The following KCNJ15 variants were observed in gnomAD, a reference collection of about 807,000 sequenced individuals.
KCNJ15 encodes potassium inwardly rectifying channel subfamily J member 15.
KCNJ15 carries 14 observed loss-of-function variants against 23.0 expected under a neutral mutation model. That is an observed-to-expected ratio of 0.61 (90% CI 0.40 to 0.95). The LOEUF (loss-of-function observed/expected upper bound fraction) is 0.95, where lower values mean the gene tolerates loss of function less well. Among genes scored for constraint, KCNJ15 ranks in the 40% least tolerant of loss-of-function variants. The probability of loss-of-function intolerance (pLI) is 0.00; values close to 1 mark genes in which losing one functional copy is unlikely to be tolerated. For missense variants in KCNJ15, 388 were observed against 461.8 expected (o/e 0.84, Z 1.46); for synonymous variants, 185 against 183.2 (o/e 1.01, Z -0.08).
intron 1 of KCNJ15, among the ~76,000 whole-genome samples, chr21:38,291,978 G>A (rs1488633494): frequency 6.6e-6 from 1 of 152,166 alleles, no homozygotes; most frequent in Non-Finnish European, 1.5e-5. Flanking sequence ...GGCACAGGGT[G>A]AGCAATGAGT....
At chr21:38,233,777 A>C (rs180833213) in intron 1 of KCNJ15, among the ~76,000 whole-genome samples, 59 of 152,254 alleles carry the variant, frequency 3.9e-4, no homozygotes, top group African/African-American at 1.3e-3. Context: ...GTACTACCTT[A>C]ATGCAAGTAA....
chr21:38,289,730 C>A (rs1427643843), intron 1 of KCNJ15, among the ~76,000 whole-genome samples: 1 of 152,066 alleles, frequency 6.6e-6, no homozygotes, highest in East Asian at 1.9e-4. Context: ...CAGACTCCAT[C>A]TCAAAAAAGA....
chr21:38,292,696 C>T (rs1984731833), intron 1 of KCNJ15, among the ~76,000 whole-genome samples: 1 of 152,112 alleles, frequency 6.6e-6, no homozygotes, highest in South Asian at 2.1e-4. Flanking sequence ...CAGTTGGGTG[C>T]AGTGGCTCTC....
chr21:38,297,079 G>A (rs567790723), intron 2 of KCNJ15, 56 bp downstream of exon 2: 9 of 152,926 alleles, frequency 5.9e-5, no homozygotes, highest in African/African-American at 1.9e-4. Flanking sequence ...GGACAGAGAG[G>A]GCCATGGCAC....
intron 1 of KCNJ15, among the ~76,000 whole-genome samples, chr21:38,277,830 A>T (rs1746568470): frequency 1.0e-5 from 1 of 97,446 alleles, no homozygotes; most frequent in African/African-American, 3.2e-5. Flanking sequence ...TGTGTTTTTG[A>T]CCTTCATTCA....
At chr21:38,236,531 C>T (rs780625572) in intron 1 of KCNJ15, among the ~76,000 whole-genome samples, 21 of 152,158 alleles carry the variant, frequency 1.4e-4, no homozygotes, top group Non-Finnish European at 2.8e-4. Context: ...AGCCCATTAA[C>T]AGCATGAGAT....
chr21:38,299,554 G>A lies in KCNJ15; in HGVS notation c.293G>A (p.Gly98Asp), dbSNP rs2230033. 0.51 allele frequency: 820,172 copies of A among 1,613,712 alleles called. 219,185 individuals carry two copies. Among genetic ancestry groups the A allele is most frequent in the Non-Finnish European group, 0.56 (659,318 of 1,179,854 alleles). ...IAFIHGDLEPGEPISNHTPCI... is the reference protein window; with the variant it reads ...IAFIHGDLEPDEPISNHTPCI... ...TTTATTCATGGGGACTTAGAACCCG[G>A]TGAGCCCATTTCAAATCATACCCCC... Residue 98 changes from glycine (G) to aspartate (D), a missense_variant, in exon 3 of 3, where the codon GGT becomes GAT. By Grantham distance (94) the Gly-to-Asp change is moderately conservative. Transcript: ENST00000398938. The surrounding 1 kb of genome is among the most constrained non-coding windows in gnomAD (Gnocchi z 4.5).
Position 38,297,524 on chromosome 21 carries a change from A to G in KCNJ15, c.-19+501A>G, listed in dbSNP as rs148069688. Among the ~76,000 whole-genome samples, 689 of 152,368 alleles carry G rather than the reference A, an allele frequency of 4.5e-3. 6 individuals carry two copies. Among genetic ancestry groups the G allele is most frequent in the African/African-American group, 0.016 (664 of 41,582 alleles). On this transcript the variant is annotated intron_variant, in intron 2 of 2. Coordinates refer to ENST00000398938, the MANE Select transcript of KCNJ15 (RefSeq NM_170736.3). ...AAAAAAAATGCATGCAGTCACTTGCAGACAGGCTGCATTTGTCTCTGCTGG... is the reference window on the plus strand; with the variant it reads ...AAAAAAAATGCATGCAGTCACTTGCGGACAGGCTGCATTTGTCTCTGCTGG...
At chr21:38,290,271 T>C (rs950057255) in intron 1 of KCNJ15, among the ~76,000 whole-genome samples, 4 of 152,160 alleles carry the variant, frequency 2.6e-5, no homozygotes, top group African/African-American at 7.2e-5. Context: ...GTTGATGTTC[T>C]ATGAGATTAA....
intron 1 of KCNJ15, among the ~76,000 whole-genome samples, chr21:38,266,504 A>G (rs943715925): frequency 6.6e-6 from 1 of 152,150 alleles, no homozygotes; most frequent in Non-Finnish European, 1.5e-5. Flanking sequence ...TCCATGGTGT[A>G]TATGTGCCAC....
chr21:38,269,295 C>T (rs953529818), intron 1 of KCNJ15, among the ~76,000 whole-genome samples: 21 of 152,072 alleles, frequency 1.4e-4, no homozygotes, highest in Non-Finnish European at 1.5e-5. Context: ...AGAGTCTGTC[C>T]GTTAAAAACT....
rs549919265 is a variant in KCNJ15 at position 38,306,121 on chromosome 21, T to A, written c.*5732T>A. On this transcript the variant is annotated 3_prime_UTR_variant, in exon 3 of 3. Coordinates refer to ENST00000398938, the MANE Select transcript of KCNJ15 (RefSeq NM_170736.3). Reference sequence around the variant, plus strand: ...CCAGTTGCAGAATTAGGCTGATGGTTTTACAAAAGAGTCCTCCTAAAAGTC... The same window carrying A: ...CCAGTTGCAGAATTAGGCTGATGGTATTACAAAAGAGTCCTCCTAAAAGTC... 2.0e-5 allele frequency: 3 copies of A among 152,346 alleles called. No homozygotes were observed. The highest frequency in any genetic ancestry group is 2.0e-4 in the Admixed American group (3 of 15,310). 9.4% of individuals were successfully genotyped at this position (152,346 alleles called of 1,614,324 possible). A position where few individuals can be genotyped will look rare whatever the true frequency, so the allele number is the denominator to read the frequency against.
At chr21:38,257,558 A>G (rs533416583) in intron 1 of KCNJ15, among the ~76,000 whole-genome samples, 3 of 152,342 alleles carry the variant, frequency 2.0e-5, no homozygotes, top group Admixed American at 6.5e-5. Flanking sequence ...TCTTTGGCTA[A>G]TTCTGAAGCA....
intron 1 of KCNJ15, among the ~76,000 whole-genome samples, chr21:38,276,301 A>T (rs993217771): frequency 6.6e-6 from 1 of 152,132 alleles, no homozygotes; most frequent in Admixed American, 6.6e-5. Context: ...TTTGGTAATT[A>T]GGAGTCACTG....
intron 1 of KCNJ15, among the ~76,000 whole-genome samples, chr21:38,236,889 T>C (rs1411270034): frequency 6.6e-6 from 1 of 152,210 alleles, no homozygotes; most frequent in Non-Finnish European, 1.5e-5. Context: ...TCTTCAACTA[T>C]AAGCGGCTGC....
upstream of KCNJ15, among the ~76,000 whole-genome samples, chr21:38,251,775 T>C (rs1252657824): frequency 6.6e-6 from 1 of 152,212 alleles, no homozygotes; most frequent in African/African-American, 2.4e-5. Flanking sequence ...TGTGGGACTT[T>C]AAGTGTTAAA....
Position 38,250,479 on chromosome 21 carries a change from A to G in KCNJ15, c.-398-6567A>G, listed in dbSNP as rs1166879095. ...CTAGCTCTTCCAGAGGCCAAGAACT[A>G]AACTTGGAAAAGGGTGAAAGGGGCC... On this transcript the variant is annotated intron_variant, in intron 1 of 4. Coordinates refer to the KCNJ15 transcript ENST00000547341. Among the ~76,000 whole-genome samples, 4 of 152,238 alleles carry G rather than the reference A, an allele frequency of 2.6e-5. No individual in the cohort carries two copies. In the East Asian group the frequency reaches 7.7e-4, roughly 29 times the overall value.
intron 1 of KCNJ15, among the ~76,000 whole-genome samples, chr21:38,276,592 G>GAACT (rs1885347120): frequency 6.6e-6 from 1 of 152,106 alleles, no homozygotes; most frequent in African/African-American, 2.4e-5. Context: ...GCAGAAAAGA[G>GAACT]AACTATTGGG....
At chr21:38,245,871 A>T (rs1979342240) in intron 1 of KCNJ15, among the ~76,000 whole-genome samples, 1 of 152,158 alleles carries the variant, frequency 6.6e-6, no homozygotes, top group Admixed American at 6.5e-5. Context: ...CCCTGAGACC[A>T]CCCACAAAGA....
Sources: gnomAD v4.1 joint callset for allele counts (sites outside exome capture counted in the v4.1 genomes callset) on GRCh38, gnomAD v4.1.1 for gene constraint, Gnocchi (gnomAD v3.1) non-coding constraint, MANE v1.5 for transcripts, NCBI Gene and HGNC (gene_info 2026-07-23, HGNC 2026-07-21) for gene names.